Variants in PTPRG observed in about 807,000 individuals in gnomAD.
The protein encoded by PTPRG is receptor-type tyrosine-protein phosphatase gamma.
Under a neutral mutation model 165.3 loss-of-function variants are expected in PTPRG, and 102 were observed. That is an observed-to-expected ratio of 0.62 (90% CI 0.53 to 0.73). PTPRG has a LOEUF of 0.73. Among genes scored for constraint, PTPRG ranks in the 30% least tolerant of loss-of-function variants. The pLI is 0.00. For missense variants in PTPRG, 1,866 were observed against 1,861.4 expected (o/e 1.00, Z -0.05); for synonymous variants, 675 against 669.5 (o/e 1.01, Z -0.13).
At chr3:62,007,895 A>G (rs969297073) in intron 4 of PTPRG, among the ~76,000 whole-genome samples, 3 of 152,244 alleles carry the variant, frequency 2.0e-5, no homozygotes, top group Admixed American at 6.5e-5. Context: ...AGGCAAGATA[A>G]TGTCTCTTCT....
chr3:61,604,375 G>A (rs1700944781), intron 1 of PTPRG, among the ~76,000 whole-genome samples: 1 of 152,136 alleles, frequency 6.6e-6, no homozygotes, highest in African/African-American at 2.4e-5. Context: ...CTTTGATGGT[G>A]ACGGGAGGTT....
chr3:62,116,708 C>T (rs1702880831), intron 5 of PTPRG, among the ~76,000 whole-genome samples: 1 of 152,174 alleles, frequency 6.6e-6, no homozygotes, highest in Admixed American at 6.5e-5. Context: ...GAAAATGCAT[C>T]TGACTATATA....
chr3:61,671,253 G>A (rs1702978131), intron 1 of PTPRG, among the ~76,000 whole-genome samples: 2 of 151,292 alleles, frequency 1.3e-5, no homozygotes, highest in South Asian at 4.2e-4. Flanking sequence ...AGTGAACAAA[G>A]GTCTCTGGTT....
rs1157957163 is a variant in PTPRG, at chr3:62,217,022, ATTG to A, written c.2156-1821_2156-1819del. Among the ~76,000 whole-genome samples, 11 of 151,886 alleles carry A rather than the reference ATTG, an allele frequency of 7.2e-5. No individual in the cohort carries two copies. Among genetic ancestry groups the A allele is most frequent in the Non-Finnish European group, 1.5e-4 (10 of 68,002 alleles). On this transcript the variant is annotated intron_variant, in intron 12 of 29. Coordinates refer to ENST00000474889, the MANE Select transcript of PTPRG (RefSeq NM_002841.4). This position sits in a 1 kb window ranked among gnomAD's most constrained non-coding sequence, Gnocchi z 4.3. Reference sequence around the variant, plus strand: ...TGCCACATTCATTGCATTCTAATTAATTGTTGTTGTGCCTGCCTCTCCCCATTT... The same window carrying A: ...TGCCACATTCATTGCATTCTAATTAATTGTTGTGCCTGCCTCTCCCCATTT...
At chr3:61,763,312 A>C (rs1160514104) in intron 2 of PTPRG, among the ~76,000 whole-genome samples, 2 of 151,544 alleles carry the variant, frequency 1.3e-5, no homozygotes, top group Non-Finnish European at 2.9e-5. Flanking sequence ...ATCTTGGCTC[A>C]CTGCAACCTC....
In PTPRG at chr3:61,819,340, A is replaced by G. The variant is rs149856327; in HGVS notation, c.190+70358A>G. Among the ~76,000 whole-genome samples, 1,185 of 152,346 alleles carry G rather than the reference A, an allele frequency of 7.8e-3. 9 individuals are homozygous for G. Among genetic ancestry groups the G allele is most frequent in the Non-Finnish European group, 0.011 (781 of 68,030 alleles). On this transcript the variant is annotated intron_variant, in intron 2 of 29. Coordinates refer to ENST00000474889, the MANE Select transcript of PTPRG (RefSeq NM_002841.4). ...CAAAGCTTGAGGAAGCATTGATGAC[A>G]TAAGTAGAGGTCGGTAAATGATTGC...
At chr3:61,734,704 A>G (rs960256426) in intron 1 of PTPRG, among the ~76,000 whole-genome samples, 1 of 152,210 alleles carries the variant, frequency 6.6e-6, no homozygotes, top group African/African-American at 2.4e-5. Context: ...ACGTTAGTGT[A>G]TTTATTAAAA....
chr3:61,915,096 G>T (rs1293549006), intron 2 of PTPRG, among the ~76,000 whole-genome samples: 1 of 152,172 alleles, frequency 6.6e-6, no homozygotes, highest in African/African-American at 2.4e-5. Context: ...GGGCGTGGTG[G>T]TGCGTGCCTG....
intron 2 of PTPRG, among the ~76,000 whole-genome samples, chr3:61,820,492 T>C (rs1012064282): frequency 6.6e-6 from 1 of 151,910 alleles, no homozygotes; most frequent in Non-Finnish European, 1.5e-5. Flanking sequence ...CACTAAGAGA[T>C]AATGTTTAAC....
intron 1 of PTPRG, among the ~76,000 whole-genome samples, chr3:61,717,584 G>A (rs1237802384): frequency 6.6e-6 from 1 of 151,812 alleles, no homozygotes; most frequent in South Asian, 2.1e-4. Context: ...TCAAGAGATC[G>A]AGACCATCCT....
At chr3:61,688,708 C>T (rs1235916906) in intron 1 of PTPRG, among the ~76,000 whole-genome samples, 2 of 152,238 alleles carry the variant, frequency 1.3e-5, no homozygotes, top group Non-Finnish European at 2.9e-5. Flanking sequence ...ATTCAATAGT[C>T]AGTACCCTTG....
intron 5 of PTPRG, chr3:62,124,241 T>C: frequency 8.0e-7 from 1 of 1,250,710 alleles, no homozygotes; most frequent in Non-Finnish European, 1.2e-6. Context: ...TGACATTAAC[T>C]CCGAAGGGAA....
chr3:61,784,449 G>C (rs1271047275), intron 2 of PTPRG, among the ~76,000 whole-genome samples: 1 of 152,190 alleles, frequency 6.6e-6, no homozygotes, highest in Non-Finnish European at 1.5e-5. Context: ...GGGGGAGAGA[G>C]TTTGTGTGAG....
At chr3:62,150,453 C>T (rs187214009) in intron 6 of PTPRG, among the ~76,000 whole-genome samples, 549 of 152,332 alleles carry the variant, frequency 3.6e-3, no homozygotes, top group Non-Finnish European at 4.8e-3. Flanking sequence ...CCCAGACCTA[C>T]TGGATCAGAA....
At position 62,178,295 on chromosome 3, in the gene PTPRG, A is replaced by C. The variant is rs532064418; in HGVS notation, c.1033+10132A>C. Among the ~76,000 whole-genome samples the C allele has an allele frequency of 5.9e-5, 9 of 152,302 alleles. No individual in the cohort carries two copies. In the East Asian group the frequency reaches 1.7e-3, roughly 29 times the overall value. On this transcript the variant is annotated intron_variant, in intron 8 of 29. Coordinates refer to ENST00000474889, the MANE Select transcript of PTPRG (RefSeq NM_002841.4). ...GATGGATGGGAGGATGGAGGGATGC[A>C]TGGATGGATTAAGCTAACATATACA...
intron 4 of PTPRG, among the ~76,000 whole-genome samples, chr3:62,016,191 C>G (rs1333759723): frequency 6.6e-6 from 1 of 151,946 alleles, no homozygotes; most frequent in Admixed American, 6.6e-5. Flanking sequence ...TTTTTAAGAC[C>G]TAGTCTCACT....
intron 8 of PTPRG, among the ~76,000 whole-genome samples, chr3:62,183,543 G>A (rs1343493203): frequency 1.4e-5 from 2 of 148,100 alleles, no homozygotes; most frequent in African/African-American, 5.0e-5. Context: ...CAGCCTAGGC[G>A]ACAGAGTGAG....
chr3:61,672,006 G>A (rs1703018573), intron 1 of PTPRG, among the ~76,000 whole-genome samples: 1 of 127,830 alleles, frequency 7.8e-6, no homozygotes, highest in Non-Finnish European at 1.7e-5. Context: ...TCTCAGACGG[G>A]GCGGTTGCCA....
chr3:62,184,122 G>A (rs1380332012), intron 8 of PTPRG, among the ~76,000 whole-genome samples: 1 of 152,194 alleles, frequency 6.6e-6, no homozygotes, highest in Non-Finnish European at 1.5e-5. Context: ...TTCATGGGGT[G>A]AATGGAGCCC....
Sources: allele counts gnomAD v4.1 joint callset (sites outside exome capture counted in the v4.1 genomes callset), GRCh38; gene constraint gnomAD v4.1.1; non-coding constraint Gnocchi (gnomAD v3.1); transcripts MANE v1.5; gene names NCBI Gene and HGNC (gene_info 2026-07-23, HGNC 2026-07-21).